CYP2J2: variants seen among roughly 807,000 people sequenced by gnomAD.
CYP2J2 encodes the protein cytochrome P450 2J2.
CYP2J2 carries 41 observed loss-of-function variants against 48.8 expected under a neutral mutation model. The observed-to-expected ratio is 0.84, with a 90% CI of 0.66 to 1.09. The LOEUF (loss-of-function observed/expected upper bound fraction) is 1.09, where lower values mean the gene tolerates loss of function less well. Ranked by LOEUF, CYP2J2 falls within the 50% of genes least tolerant of loss-of-function variation. The probability of loss-of-function intolerance (pLI) is 0.00; values close to 1 mark genes in which losing one functional copy is unlikely to be tolerated. For synonymous variants in CYP2J2, 221 were observed against 227.1 expected, an observed-to-expected ratio of 0.97 and a Z score of 0.24; for missense variants, 644 against 617.3, an observed-to-expected ratio of 1.04 and a Z score of -0.46.
the CYP2J2 span, among the ~76,000 whole-genome samples, chr1:59,944,941 A>C: frequency 3.4e-4 from 51 of 152,228 alleles, no homozygotes; most frequent in Non-Finnish European, 6.0e-4. Context: ...TGTATATCCC[A>C]TAATACACTA....
chr1:59,951,011 A>G, the CYP2J2 span, among the ~76,000 whole-genome samples: 4 of 152,164 alleles, frequency 2.6e-5, no homozygotes, highest in African/African-American at 9.7e-5. Context: ...CCCAGCCCAA[A>G]TGGAAGGGAG....
chr1:59,911,853 A>T, intron 3 of CYP2J2, 85 bp from the exon 4 acceptor site: 1 of 1,355,550 alleles, frequency 7.4e-7, no homozygotes, highest in Non-Finnish European at 1.0e-6. Context: ...ATGGCATAAG[A>T]CATACCTAGT....
chr1:59,939,897 A>G, the CYP2J2 span, among the ~76,000 whole-genome samples: 177 of 152,118 alleles, frequency 1.2e-3, 1 homozygote, highest in Non-Finnish European at 5.9e-5. Flanking sequence ...GCTACCACCA[A>G]TGTTTCCTTA....
At chr1:59,914,229 C>T (rs1411295506) in intron 2 of CYP2J2, among the ~76,000 whole-genome samples, 1 of 152,212 alleles carries the variant, frequency 6.6e-6, no homozygotes, top group Admixed American at 6.5e-5. Context: ...TGGATTTTAT[C>T]TATTCTTCTG....
chr1:59,919,441 G>A (rs913882915), intron 1 of CYP2J2, among the ~76,000 whole-genome samples: 8 of 152,210 alleles, frequency 5.3e-5, no homozygotes, highest in South Asian at 2.1e-4. Flanking sequence ...ACATGTGCAC[G>A]TGTGCACGCA....
At chr1:59,926,079 G>T (rs777991457) in intron 1 of CYP2J2, among the ~76,000 whole-genome samples, 7 of 152,112 alleles carry the variant, frequency 4.6e-5, no homozygotes, top group Non-Finnish European at 8.8e-5. Flanking sequence ...ATTACTTAGT[G>T]AGAGTGCACT....
chr1:59,946,754 T>TA, the CYP2J2 span, among the ~76,000 whole-genome samples: 1 of 152,180 alleles, frequency 6.6e-6, no homozygotes, highest in Non-Finnish European at 1.5e-5. Context: ...GTAAAAATGT[T>TA]AGAGTTTACA....
intron 1 of CYP2J2, among the ~76,000 whole-genome samples, chr1:59,918,834 T>C (rs1313531413): frequency 6.6e-6 from 1 of 152,116 alleles, no homozygotes; most frequent in Non-Finnish European, 1.5e-5. Context: ...GGAAATGTAA[T>C]GCTAGGAATA....
chr1:59,912,103 T>C, intron 3 of CYP2J2, 59 bp downstream of exon 3: 1 of 1,533,224 alleles, frequency 6.5e-7, no homozygotes, highest in South Asian at 1.3e-5. Context: ...ACTTAGTAAG[T>C]ATCTGTCCAA....
At chr1:59,905,295 T>C (rs545741608) in intron 6 of CYP2J2, among the ~76,000 whole-genome samples, 1 of 152,278 alleles carries the variant, frequency 6.6e-6, no homozygotes, top group South Asian at 2.1e-4. Context: ...CTAAACTTCA[T>C]TACATCAGAC....
chr1:59,913,437 G>A (rs954626900), intron 2 of CYP2J2, among the ~76,000 whole-genome samples: 4 of 152,114 alleles, frequency 2.6e-5, no homozygotes, highest in Non-Finnish European at 4.4e-5. Context: ...TGACTTAAAG[G>A]TATTTTGAAT....
intron 1 of CYP2J2, among the ~76,000 whole-genome samples, chr1:59,916,651 T>C (rs1308558575): frequency 6.6e-6 from 1 of 152,142 alleles, no homozygotes; most frequent in African/African-American, 2.4e-5. Context: ...GAAGGTCACT[T>C]GAGCCTGAGA....
the CYP2J2 span, among the ~76,000 whole-genome samples, chr1:59,967,706 T>C: frequency 9.9e-5 from 15 of 152,256 alleles, 1 homozygote. Flanking sequence ...GCGCAGCTCA[T>C]TTCATGTCCC....
chr1:59,916,537 C>A (rs1644467765), intron 1 of CYP2J2, among the ~76,000 whole-genome samples: 1 of 152,114 alleles, frequency 6.6e-6, no homozygotes, highest in Non-Finnish European at 1.5e-5. Flanking sequence ...AGTTCGAGAC[C>A]AGTCTGGGCA....
intron 5 of CYP2J2, 49 bp downstream of exon 5, chr1:59,909,735 T>G: frequency 2.1e-6 from 3 of 1,417,034 alleles, no homozygotes; most frequent in Non-Finnish European, 1.9e-6. Context: ...CTAATATACC[T>G]CTATTTGTGC....
chr1:59,903,351 G>A (rs1046689716), intron 7 of CYP2J2, among the ~76,000 whole-genome samples: 1 of 152,186 alleles, frequency 6.6e-6, no homozygotes, highest in Non-Finnish European at 1.5e-5. Flanking sequence ...GGCACTAGAG[G>A]GCACAGGATA....
At chr1:59,950,349 A>C in the CYP2J2 span, among the ~76,000 whole-genome samples, 1 of 152,200 alleles carries the variant, frequency 6.6e-6, no homozygotes, top group African/African-American at 2.4e-5. Flanking sequence ...ACAGGACAGC[A>C]CAATCAAGAG....
chr1:59,934,669 C>A, the CYP2J2 span, among the ~76,000 whole-genome samples: 2 of 151,870 alleles, frequency 1.3e-5, no homozygotes, highest in Admixed American at 1.3e-4. Flanking sequence ...TCACCTCATA[C>A]ATGTTAAGAT....
chr1:59,910,766 C>T (rs537070225), intron 4 of CYP2J2, among the ~76,000 whole-genome samples: 1 of 152,098 alleles, frequency 6.6e-6, no homozygotes, highest in Non-Finnish European at 1.5e-5. Flanking sequence ...CCCCCCTCCC[C>T]CCAGCTCCCA....
Sources: gnomAD v4.1 joint callset for allele counts (sites outside exome capture counted in the v4.1 genomes callset) on GRCh38, gnomAD v4.1.1 for gene constraint, MANE v1.5 for transcripts, NCBI Gene and HGNC (gene_info 2026-07-23, HGNC 2026-07-21) for gene names.